The following PLA2G4E variants were observed in gnomAD, a reference collection of about 807,000 sequenced individuals.
PLA2G4E encodes cytosolic phospholipase A2 epsilon.
PLA2G4E carries 84 observed loss-of-function variants against 109.1 expected under a neutral mutation model. The observed-to-expected ratio is 0.77, with a 90% CI of 0.65 to 0.92. The LOEUF is 0.92. Ranked by LOEUF, PLA2G4E falls within the 40% of genes least tolerant of loss-of-function variation. The pLI is 0.00. For missense variants in PLA2G4E, 1,057 were observed against 1,076.6 expected (o/e 0.98, Z 0.25); for synonymous variants, 469 against 436.1 (o/e 1.08, Z -0.94).
chr15:42,045,250 G>A (rs1889393163), intron 1 of PLA2G4E, among the ~76,000 whole-genome samples: 1 of 152,194 alleles, frequency 6.6e-6, no homozygotes, highest in African/African-American at 2.4e-5. Context: ...GAAAGAAGTA[G>A]GAATGAGCTT....
chr15:42,008,805 G>T (rs1756255663), intron 2 of PLA2G4E, among the ~76,000 whole-genome samples: 1 of 152,184 alleles, frequency 6.6e-6, no homozygotes, highest in Non-Finnish European at 1.5e-5. Flanking sequence ...CATAGGAAAT[G>T]GTGAAAGCCA....
chr15:41,999,605 G>T, intron 9 of PLA2G4E, 44 bp from the exon 10 acceptor site: 1 of 1,602,446 alleles, frequency 6.2e-7, no homozygotes, highest in African/African-American at 1.3e-5. Context: ...TGACAATTCA[G>T]AGCCAAGTGA....
intron 6 of PLA2G4E, among the ~76,000 whole-genome samples, chr15:42,001,831 A>G (rs2068423102): frequency 6.6e-6 from 1 of 152,156 alleles, no homozygotes. Context: ...AGCTGGGACT[A>G]CAGACACATG....
At chr15:42,023,171 C>A (rs1261708535) in intron 1 of PLA2G4E, among the ~76,000 whole-genome samples, 8 of 150,966 alleles carry the variant, frequency 5.3e-5, no homozygotes, top group Non-Finnish European at 1.5e-5. Flanking sequence ...AGAAATTGGG[C>A]AGAAAGAAGG....
chr15:42,025,166 A>G (rs1382847374), intron 1 of PLA2G4E, among the ~76,000 whole-genome samples: 1 of 151,040 alleles, frequency 6.6e-6, no homozygotes, highest in Non-Finnish European at 1.5e-5. Context: ...ACTGCACTCC[A>G]GCCTGGGAGA....
At position 42,010,142 on chromosome 15, in the gene PLA2G4E, C is replaced by CCCCCCCCCG. The variant is rs139522193; in HGVS notation, c.257-2278_257-2277insCGGGGGGGG. 1.4e-4 allele frequency: 66 copies of CCCCCCCCCG among 459,342 alleles called. 5 individuals carry two copies. Among genetic ancestry groups the CCCCCCCCCG allele is most frequent in the Non-Finnish European group, 1.9e-4 (44 of 228,012 alleles). The allele number at this position is 459,342 out of a possible 1,614,324, so 28.5% of individuals were successfully genotyped here. ...TTTTCCAGAACACTGGCCCCCCCACCCCGGGCCTGGACCACACCCTTCAGG... is the reference window on the plus strand; with the variant it reads ...TTTTCCAGAACACTGGCCCCCCCACCCCCCCCCCGCCGGGCCTGGACCACACCCTTCAGG... On this transcript the variant is annotated intron_variant, in intron 2 of 19. Coordinates refer to ENST00000399518, the Ensembl canonical transcript of PLA2G4E.
At chr15:42,014,504 C>T (rs1025768018) in intron 1 of PLA2G4E, among the ~76,000 whole-genome samples, 5 of 152,204 alleles carry the variant, frequency 3.3e-5, no homozygotes, top group African/African-American at 1.2e-4. Context: ...TGCTCTTGCC[C>T]AGGCAAGATG....
At chr15:41,984,440 T>G (rs1297707263) in exon 19 of PLA2G4E, 1 of 1,611,604 alleles carries the variant, frequency 6.2e-7, no homozygotes, top group Non-Finnish European at 8.5e-7. Flanking sequence ...GCTCACCTGG[T>G]GCCTTGTATT....
intron 1 of PLA2G4E, among the ~76,000 whole-genome samples, chr15:42,030,395 C>T (rs544250394): frequency 1.6e-4 from 25 of 152,312 alleles, no homozygotes; most frequent in African/African-American, 5.3e-4. Flanking sequence ...ATGCCTATCC[C>T]TCTTTATCTG....
chr15:42,020,025 GC>G (rs1258036795), intron 1 of PLA2G4E, among the ~76,000 whole-genome samples: 2 of 152,242 alleles, frequency 1.3e-5, no homozygotes, highest in East Asian at 3.8e-4. Flanking sequence ...CGCCCTTCCA[GC>G]CACCCAAGTG....
chr15:41,989,661 G>C, intron 14 of PLA2G4E, 109 bp from the exon 15 acceptor site: 2 of 1,421,068 alleles, frequency 1.4e-6, no homozygotes, highest in Non-Finnish European at 1.9e-6. Context: ...GAAAGCCTGG[G>C]ACAGGGAGGC....
rs2068092238 is a variant in PLA2G4E at position 41,983,603 on chromosome 15, A to T, written c.*151T>A. The T allele has an allele frequency of 5.9e-6, 4 of 675,522 alleles. No individual in the cohort carries two copies. In the Admixed American group the frequency reaches 1.2e-4, roughly 20 times the overall value. 41.8% of individuals were successfully genotyped at this position (675,522 alleles called of 1,614,324 possible). On this transcript the variant is annotated 3_prime_UTR_variant, in exon 20 of 20. Coordinates refer to ENST00000399518, the Ensembl canonical transcript of PLA2G4E. ...TTTCTGACTTTCTCAACTTTTTAAA[A>T]TTTTTTACTTTTCGTTAGAAAGCCC...
At chr15:41,997,342 G>A (rs2068359378) in intron 10 of PLA2G4E, 83 bp from the exon 11 acceptor site, 1 of 1,370,334 alleles carries the variant, frequency 7.3e-7, no homozygotes, top group Non-Finnish European at 9.6e-7. Flanking sequence ...ATTGGACCTA[G>A]GCTCAAAGCC....
chr15:42,013,082 G>T (rs997220504), intron 2 of PLA2G4E, among the ~76,000 whole-genome samples: 4 of 152,226 alleles, frequency 2.6e-5, no homozygotes, highest in East Asian at 1.9e-4. Context: ...TGGGATGAGG[G>T]GGGAGGTTAG....
At chr15:42,005,888 T>A (rs2068470585) in intron 4 of PLA2G4E, 102 bp downstream of exon 4, 2 of 1,376,134 alleles carry the variant, frequency 1.5e-6, no homozygotes, top group African/African-American at 1.4e-5. Context: ...TCAACTTGAC[T>A]GTGTACACAG....
intron 16 of PLA2G4E, 137 bp downstream of exon 16, chr15:41,987,912 C>T: frequency 1.7e-6 from 1 of 579,528 alleles, no homozygotes; most frequent in Non-Finnish European, 3.2e-6. Flanking sequence ...CATCACCCAG[C>T]CATGAGGGAA....
At chr15:41,995,613 G>C (rs1023201918) in intron 11 of PLA2G4E, 117 bp from the exon 12 acceptor site, 3 of 1,382,370 alleles carry the variant, frequency 2.2e-6, no homozygotes, top group Admixed American at 4.0e-5. Context: ...GGCTACAGAG[G>C]GCAGGGAGTG....
At chr15:42,002,243 C>T (rs372133668) in intron 6 of PLA2G4E, among the ~76,000 whole-genome samples, 8 of 116,346 alleles carry the variant, frequency 6.9e-5, no homozygotes, top group South Asian at 2.9e-4. Flanking sequence ...CCAGCCTGGG[C>T]GACAGAGTGA....
intron 1 of PLA2G4E, among the ~76,000 whole-genome samples, chr15:42,015,610 G>C (rs1484050697): frequency 1.3e-5 from 2 of 152,250 alleles, no homozygotes. Context: ...AGATGCTGGG[G>C]GGCCAGGGGT....
Sources: gnomAD v4.1 joint callset for allele counts (sites outside exome capture counted in the v4.1 genomes callset) on GRCh38, gnomAD v4.1.1 for gene constraint, MANE v1.5 for transcripts, NCBI Gene and HGNC (gene_info 2026-07-23, HGNC 2026-07-21) for gene names.